The following B4GALT1 variants were observed in gnomAD, a reference collection of about 807,000 sequenced individuals.
The protein encoded by B4GALT1 is beta-1,4-galactosyltransferase 1.
B4GALT1 carries 16 observed loss-of-function variants against 34.9 expected under a neutral mutation model. The observed-to-expected ratio is 0.46, with a 90% CI of 0.31 to 0.70. The LOEUF (loss-of-function observed/expected upper bound fraction) is 0.70, where lower values mean the gene tolerates loss of function less well. Among genes scored for constraint, B4GALT1 ranks in the 30% least tolerant of loss-of-function variants. The pLI is 0.05. For missense variants in B4GALT1, 445 were observed against 530.5 expected (o/e 0.84, Z 1.58); for synonymous variants, 221 against 218.1 (o/e 1.01, Z -0.12).
At chr9:33,168,737 A>T (rs1374745561), upstream of B4GALT1, among the ~76,000 whole-genome samples, 1 of 152,182 alleles carries the variant, frequency 6.6e-6, no homozygotes, top group African/African-American at 2.4e-5. Context: ...GTCTACACTT[A>T]CTGCCTCGGA....
At chr9:33,104,821 C>T (rs963198858) in intron 2 of B4GALT1, 10 of 420,430 alleles carry the variant, frequency 2.4e-5, no homozygotes, top group Non-Finnish European at 4.2e-5. Flanking sequence ...CATCATTTTA[C>T]CTTTTTTTTT....
intron 1 of B4GALT1, among the ~76,000 whole-genome samples, chr9:33,145,570 C>T (rs545086812): frequency 2.6e-5 from 4 of 152,288 alleles, no homozygotes; most frequent in African/African-American, 9.6e-5. Context: ...TCCTGGCAGA[C>T]AAGGGCCAAT....
At chr9:33,175,327 TA>T in the B4GALT1 span, among the ~76,000 whole-genome samples, 1 of 151,230 alleles carries the variant, frequency 6.6e-6, no homozygotes, top group Non-Finnish European at 1.5e-5. Flanking sequence ...AATTAAAAAT[TA>T]AAAAAAAGAA....
chr9:33,105,880 G>GTTTTTTTTTTTTTTTTTTTTTTTTTTTTT (rs35330697), downstream of B4GALT1, among the ~76,000 whole-genome samples: 1 of 85,748 alleles, frequency 1.2e-5, no homozygotes, highest in Non-Finnish European at 2.1e-5. Context: ...GGACTCGTGG[G>GTTTTTTTTTTTTTTTTTTTTTTTTTTTTT]TTTTTTTTTT....
chr9:33,159,927 C>T (rs781472557), intron 1 of B4GALT1, among the ~76,000 whole-genome samples: 78 of 152,258 alleles, frequency 5.1e-4, no homozygotes, highest in Middle Eastern at 3.2e-3. Flanking sequence ...ATCACCCCCA[C>T]CGATTCTGTT....
intron 1 of B4GALT1, among the ~76,000 whole-genome samples, chr9:33,145,117 T>C (rs1426539742): frequency 2.6e-5 from 4 of 152,218 alleles, no homozygotes; most frequent in Admixed American, 2.6e-4. Flanking sequence ...TCCATTCATC[T>C]GTGCTCAGAA....
the B4GALT1 span, among the ~76,000 whole-genome samples, chr9:33,174,980 AAAAAAAAAAAATATAT>A: frequency 2.0e-3 from 40 of 19,904 alleles, no homozygotes; most frequent in African/African-American, 3.5e-3. Context: ...AAAAAAAAAA[AAAAAAAAAAAATATAT>A]ATATATATAT....
chr9:33,173,219 C>T, the B4GALT1 span, among the ~76,000 whole-genome samples: 2 of 152,260 alleles, frequency 1.3e-5, no homozygotes, highest in African/African-American at 4.8e-5. Flanking sequence ...GCCTGGCCAA[C>T]GTGTTGAAAC....
At chr9:33,117,343 T>C (rs1373207093) in intron 3 of B4GALT1, among the ~76,000 whole-genome samples, 1 of 152,266 alleles carries the variant, frequency 6.6e-6, no homozygotes, top group African/African-American at 2.4e-5. Flanking sequence ...TATTTTCAAG[T>C]AGTAGAGCAT....
chr9:33,113,749 G>T, intron 5 of B4GALT1, 25 bp downstream of exon 5: 1 of 1,612,908 alleles, frequency 6.2e-7, no homozygotes, highest in Non-Finnish European at 8.5e-7. Context: ...AAGGGGGAAG[G>T]AGTATGAATA....
At chr9:33,116,236 ATTTAT>A (rs1203790121) in intron 3 of B4GALT1, 123 bp from the exon 4 acceptor site, 8 of 1,204,018 alleles carry the variant, frequency 6.6e-6, no homozygotes, top group Middle Eastern at 4.0e-4. Context: ...TAGAGTTTTT[ATTTAT>A]TTTTTTTTTG....
rs542139849 is a variant in B4GALT1 at position 33,166,698 on chromosome 9, C to G, written c.412+60G>C. 6.9e-6 allele frequency: 10 copies of G among 1,454,182 alleles called. No individual in the cohort carries two copies. In the Admixed American group the frequency reaches 2.6e-4, roughly 38 times the overall value. 90.1% of individuals were successfully genotyped at this position (1,454,182 alleles called of 1,614,324 possible). On this transcript the variant is annotated intron_variant, in intron 1 of 5. Transcript: ENST00000379731. ...CAGCCTGAGGGAATGTCTGGGGGAC[C>G]CTGTCGGGGAAATCCGGGGGGGTCC...
intron 2 of B4GALT1, among the ~76,000 whole-genome samples, chr9:33,131,053 T>G (rs1287284999): frequency 6.6e-6 from 1 of 152,172 alleles, no homozygotes; most frequent in Admixed American, 6.5e-5. Context: ...TTAAGTAACC[T>G]GCCTGAGGTC....
intron 2 of B4GALT1, among the ~76,000 whole-genome samples, chr9:33,132,512 C>T (rs1397868697): frequency 6.6e-6 from 1 of 152,240 alleles, no homozygotes; most frequent in Non-Finnish European, 1.5e-5. Context: ...TGGGGAAGCA[C>T]ACTTTTGGAG....
intron 1 of B4GALT1, among the ~76,000 whole-genome samples, chr9:33,137,225 C>T (rs900207735): frequency 4.6e-5 from 7 of 152,246 alleles, no homozygotes; most frequent in African/African-American, 1.7e-4. Context: ...TCTCCCTCCC[C>T]ATCCCTTAAG....
chr9:33,146,075 CAAGA>C (rs1170214024), intron 1 of B4GALT1, among the ~76,000 whole-genome samples: 1 of 152,196 alleles, frequency 6.6e-6, no homozygotes, highest in African/African-American at 2.4e-5. Flanking sequence ...GCCTTGGGGT[CAAGA>C]AAGAGTGACT....
chr9:33,127,085 C>A (rs992900488), intron 2 of B4GALT1, among the ~76,000 whole-genome samples: 1 of 152,124 alleles, frequency 6.6e-6, no homozygotes, highest in African/African-American at 2.4e-5. Context: ...CCTCAGCCTC[C>A]CGAGTAGCTG....
chr9:33,168,890 T>C (rs898184566), upstream of B4GALT1, among the ~76,000 whole-genome samples: 4 of 152,180 alleles, frequency 2.6e-5, no homozygotes, highest in Non-Finnish European at 5.9e-5. Context: ...TACACACCAC[T>C]CCCGTTCTTA....
chr9:33,153,590 T>C (rs1433549505), intron 1 of B4GALT1, among the ~76,000 whole-genome samples: 1 of 152,182 alleles, frequency 6.6e-6, no homozygotes, highest in Non-Finnish European at 1.5e-5. Flanking sequence ...CTATGAAATG[T>C]ATGCCAACAA....
Sources: gnomAD v4.1 joint callset for allele counts (sites outside exome capture counted in the v4.1 genomes callset) on GRCh38, gnomAD v4.1.1 for gene constraint, MANE v1.5 for transcripts, NCBI Gene and HGNC (gene_info 2026-07-23, HGNC 2026-07-21) for gene names.